The following UBR2 variants were observed in gnomAD, a reference collection of about 807,000 sequenced individuals.
UBR2 encodes the protein ubiquitin protein ligase E3 component n-recognin 2, also known as E3 ubiquitin-protein ligase UBR2.
In UBR2, 92 loss-of-function variants were observed where a neutral mutation model predicts 247.9. The ratio of observed to expected loss-of-function variants is 0.37; its 90% CI spans 0.31 to 0.44. The LOEUF (loss-of-function observed/expected upper bound fraction) is 0.44. UBR2 is among the 20% of genes least tolerant of loss of function. The pLI is 1.00. For missense variants in UBR2, 1,613 were observed against 2,112.6 expected (o/e 0.76, Z 4.64); for synonymous variants, 672 against 693.5 (o/e 0.97, Z 0.49).
At chr6:42,618,896 C>T (rs920530326) in intron 11 of UBR2, among the ~76,000 whole-genome samples, 2 of 152,126 alleles carry the variant, frequency 1.3e-5, no homozygotes, top group African/African-American at 2.4e-5. Context: ...AAGGATGATT[C>T]GCAAGCATCT....
chr6:42,584,207 G>A lies in UBR2; in HGVS notation c.339-7944G>A, dbSNP rs1028672548. On this transcript the variant is annotated intron_variant, in intron 2 of 46. Coordinates refer to ENST00000372901, the MANE Select transcript of UBR2 (RefSeq NM_001363705.2). ...GACGGGATTTCTCCATGTTGGTCAG[G>A]CTGGTCTCAAACTCCCGACCTCAGG... is the stretch of plus-strand genomic sequence containing the variant. Among the ~76,000 whole-genome samples, 16 of 152,088 alleles carry A rather than the reference G, an allele frequency of 1.1e-4. No individual in the cohort carries two copies. In the East Asian group the frequency reaches 2.7e-3, roughly 26 times the overall value.
chr6:42,685,347 A>C (rs534904389), intron 44 of UBR2, among the ~76,000 whole-genome samples: 1 of 152,214 alleles, frequency 6.6e-6, no homozygotes, highest in South Asian at 2.1e-4. Context: ...TCTATACTAC[A>C]TAACTTATAA....
chr6:42,627,800 C>G (rs556479904), intron 11 of UBR2, among the ~76,000 whole-genome samples: 1 of 152,234 alleles, frequency 6.6e-6, no homozygotes, highest in African/African-American at 2.4e-5. Context: ...GCATGAGCCA[C>G]CACACCCAGC....
At position 42,691,537 on chromosome 6, in the gene UBR2, A is replaced by C. The variant is rs1313928122; in HGVS notation, c.*364A>C. On this transcript the variant is annotated 3_prime_UTR_variant, in exon 47 of 47. Coordinates refer to ENST00000372901, the MANE Select transcript of UBR2 (RefSeq NM_001363705.2). Reference sequence around the variant, plus strand: ...CGAAGCTGACTCAACGGAGGCAGGGAACAAAGTCTCTGTGGTCTGTTGGGT... The same window carrying C: ...CGAAGCTGACTCAACGGAGGCAGGGCACAAAGTCTCTGTGGTCTGTTGGGT... 3 of 282,616 alleles carry C rather than the reference A, an allele frequency of 1.1e-5. No homozygotes were observed. Among genetic ancestry groups the C allele is most frequent in the Non-Finnish European group, 2.0e-5 (3 of 147,884 alleles). The allele number at this position is 282,616 out of a possible 1,614,324, so 17.5% of individuals were successfully genotyped here. A position where few individuals can be genotyped will look rare whatever the true frequency, so the allele number is the denominator to read the frequency against.
intron 1 of UBR2, among the ~76,000 whole-genome samples, chr6:42,572,592 T>C (rs1791231018): frequency 6.6e-6 from 1 of 152,132 alleles, no homozygotes; most frequent in Non-Finnish European, 1.5e-5. Context: ...CATGAGTATA[T>C]TGCACCTGGG....
chr6:42,642,990 A>G (rs1309611454), intron 18 of UBR2, among the ~76,000 whole-genome samples: 1 of 151,684 alleles, frequency 6.6e-6, no homozygotes, highest in Non-Finnish European at 1.5e-5. Flanking sequence ...TTCTTTTTCC[A>G]TTTACGTAGC....
chr6:42,579,228 C>T (rs939163079), intron 2 of UBR2, among the ~76,000 whole-genome samples: 1 of 152,136 alleles, frequency 6.6e-6, no homozygotes, highest in East Asian at 1.9e-4. Flanking sequence ...GAAGCAGGCA[C>T]ATCACATGGT....
intron 11 of UBR2, among the ~76,000 whole-genome samples, chr6:42,628,451 G>A (rs1207052637): frequency 6.6e-6 from 1 of 151,438 alleles, no homozygotes; most frequent in Non-Finnish European, 1.5e-5. Context: ...GCCAGGCACA[G>A]TGGCTCATGC....
At chr6:42,640,371 CAG>C (rs767904652) in intron 16 of UBR2, 101 bp downstream of exon 16, 1 of 815,446 alleles carries the variant, frequency 1.2e-6, no homozygotes, top group Non-Finnish European at 1.9e-6. Context: ...TCCAGAGGAA[CAG>C]AACCAGTAAG....
rs750938791 is a variant in UBR2 at position 42,647,417 on chromosome 6, TAA to T, written c.2410-673_2410-672del. On this transcript the variant is annotated intron_variant, in intron 21 of 46. Transcript: ENST00000372901. ...CAACACAGTTAAACCCCATCGCTACTAAAAAAAAAAAAAAAAAAAAAAAAAAA... is the reference window on the plus strand; with the variant it reads ...CAACACAGTTAAACCCCATCGCTACTAAAAAAAAAAAAAAAAAAAAAAAAA... Among the ~76,000 whole-genome samples the T allele has an allele frequency of 3.6e-3, 370 of 102,074 alleles. 2 individuals carry two copies. The highest frequency in any genetic ancestry group is 0.012 in the African/African-American group (345 of 27,740). The allele number at this position is 102,074 out of a possible 152,430, so 67.0% of individuals were successfully genotyped here.
At chr6:42,623,089 C>T (rs977908806) in intron 11 of UBR2, among the ~76,000 whole-genome samples, 1 of 152,150 alleles carries the variant, frequency 6.6e-6, no homozygotes. Context: ...CTTTATTATA[C>T]TGGCTGGGAC....
At chr6:42,651,356 GT>G (rs993556576) in intron 23 of UBR2, among the ~76,000 whole-genome samples, 3 of 151,364 alleles carry the variant, frequency 2.0e-5, no homozygotes, top group African/African-American at 7.3e-5. Context: ...ACTTAAATAA[GT>G]TTGTACTTAT....
intron 16 of UBR2, among the ~76,000 whole-genome samples, chr6:42,641,015 T>C (rs2151957893): frequency 6.6e-6 from 1 of 152,194 alleles, no homozygotes; most frequent in South Asian, 2.1e-4. Context: ...AGGTGCGAGC[T>C]ACCATGCTCA....
rs1277043964 is a variant in UBR2 at position 42,640,237 on chromosome 6, A to G, written c.1887A>G (p.Glu629=). 1 of 1,607,918 alleles carries G rather than the reference A, an allele frequency of 6.2e-7. No individual in the cohort carries two copies. Among genetic ancestry groups the G allele is most frequent in the Non-Finnish European group, 8.5e-7 (1 of 1,178,064 alleles). Residue 629 remains glutamate, a synonymous_variant, in exon 16 of 47, where the codon GAA becomes GAG. Coordinates refer to ENST00000372901, the MANE Select transcript of UBR2 (RefSeq NM_001363705.2). ...TACATGTATTATTAAGCAAAAGTGA[A>G]GTGGCATATAAATTTCCAGAGCTCC... is the stretch of plus-strand genomic sequence containing the variant. ...AGLHVLLSKS[E]VAYKFPELLP...
chr6:42,633,354 A>G (rs1457603341), intron 13 of UBR2, among the ~76,000 whole-genome samples: 2 of 151,940 alleles, frequency 1.3e-5, no homozygotes, highest in Non-Finnish European at 2.9e-5. Context: ...ACATTCCGGC[A>G]TCTACTGCTC....
chr6:42,632,958 C>CTTT (rs34284200), intron 13 of UBR2, 54 bp downstream of exon 13: 340 of 646,296 alleles, frequency 5.3e-4, no homozygotes, highest in Middle Eastern at 1.6e-3. Flanking sequence ...TCTCTTTTCT[C>CTTT]TTTTTTTTTT....
In UBR2 at chr6:42,676,181, C is replaced by G; in HGVS notation, c.4377C>G (p.Thr1459=). ...CACACATCATACAGATCTTACTTACCTCATGTACAGGTAACTCTTGCCTTT... is the reference window on the plus strand; with the variant it reads ...CACACATCATACAGATCTTACTTACGTCATGTACAGGTAACTCTTGCCTTT... ...TMAHIIQILL[T]SCTEENGMDQ... Residue 1459 remains threonine (T), a synonymous_variant, in exon 39 of 47, where the codon ACC becomes ACG. Transcript: ENST00000372901. 1.3e-6 allele frequency: 2 copies of G among 1,596,044 alleles called. No individual in the cohort carries two copies. The highest frequency in any genetic ancestry group is 1.7e-6 in the Non-Finnish European group (2 of 1,174,848).
intron 21 of UBR2, 125 bp downstream of exon 21, chr6:42,645,715 A>G (rs935554188): frequency 1.8e-5 from 18 of 983,348 alleles, no homozygotes; most frequent in African/African-American, 4.9e-5. Context: ...TGGGATGTGT[A>G]TAATTCCGGT....
chr6:42,611,459 CAAA>C (rs71753208), intron 7 of UBR2, among the ~76,000 whole-genome samples: 8 of 132,318 alleles, frequency 6.0e-5, no homozygotes, highest in Non-Finnish European at 3.3e-5. Flanking sequence ...GACTCCATCT[CAAA>C]AAAAAAAAAA....
Sources: gnomAD v4.1 joint callset for allele counts (sites outside exome capture counted in the v4.1 genomes callset) on GRCh38, gnomAD v4.1.1 for gene constraint, MANE v1.5 for transcripts, NCBI Gene and HGNC (gene_info 2026-07-23, HGNC 2026-07-21) for gene names.